The following RBFOX1 variants were observed in gnomAD, a reference collection of about 807,000 sequenced individuals.
RBFOX1 encodes RNA binding protein fox-1 homolog 1.
A neutral mutation model predicts 57.7 loss-of-function variants in RBFOX1; 8 were observed. The observed-to-expected ratio is 0.14, with a 90% CI of 0.08 to 0.25. The LOEUF is 0.25. Ranked by LOEUF, RBFOX1 falls within the 10% of genes least tolerant of loss-of-function variation. RBFOX1 has a pLI of 1.00. For missense variants in RBFOX1, 611 were observed against 548.5 expected (o/e 1.11, Z -1.14); for synonymous variants, 326 against 222.4 (o/e 1.47, Z -4.15).
rs938526067 is a variant in RBFOX1 at position 5,255,802 on chromosome 16, G to C, written c.219+15697G>C. 5.3e-5 allele frequency among the ~76,000 whole-genome samples: 8 copies of C among 152,098 alleles called. No homozygotes were observed. The East Asian group carries it at 1.4e-3, about 26-fold the overall frequency. ...CCTGCTAGATTCTGGGGAGGTATCT[G>C]CTCTAGTAATTGAGAACACGGTCTC... On this transcript the variant is annotated intron_variant, in intron 1 of 2. Coordinates refer to the RBFOX1 transcript ENST00000585867.
intron 1 of RBFOX1, among the ~76,000 whole-genome samples, chr16:6,140,262 G>T (rs553217894): frequency 2.0e-5 from 3 of 151,236 alleles, no homozygotes; most frequent in Non-Finnish European, 4.4e-5. Flanking sequence ...CTCAATCTTG[G>T]CTCACTGCAG....
intron 11 of RBFOX1, among the ~76,000 whole-genome samples, chr16:7,637,037 T>C (rs1463354400): frequency 4.6e-5 from 7 of 152,194 alleles, no homozygotes; most frequent in Admixed American, 3.3e-4. Flanking sequence ...ATTTAGTCCG[T>C]AGCAAGCCCC....
intron 3 of RBFOX1, among the ~76,000 whole-genome samples, chr16:7,051,035 G>C (rs2049892643): frequency 1.3e-5 from 2 of 151,764 alleles, no homozygotes; most frequent in South Asian, 2.1e-4. Flanking sequence ...ATCAAAAGTT[G>C]GTTCCTAAAC....
chr16:7,298,644 C>T (rs190584995), intron 4 of RBFOX1, among the ~76,000 whole-genome samples: 2 of 152,126 alleles, frequency 1.3e-5, no homozygotes, highest in African/African-American at 2.4e-5. Context: ...AGCCCACTAT[C>T]GACTCAAAGC....
chr16:7,312,486 A>T (rs147243351), intron 4 of RBFOX1, among the ~76,000 whole-genome samples: 1 of 152,330 alleles, frequency 6.6e-6, no homozygotes, highest in African/African-American at 2.4e-5. Context: ...ATTTCTCTCA[A>T]ATTAACATGA....
chr16:7,095,884 G>A (rs961023631), intron 4 of RBFOX1, among the ~76,000 whole-genome samples: 16 of 151,702 alleles, frequency 1.1e-4, no homozygotes, highest in African/African-American at 3.9e-4. Flanking sequence ...GTGGTGGCGG[G>A]TGTCTGTAAT....
intron 4 of RBFOX1, among the ~76,000 whole-genome samples, chr16:7,175,473 T>G (rs1008955477): frequency 6.6e-6 from 1 of 152,182 alleles, no homozygotes; most frequent in Admixed American, 6.5e-5. Context: ...CAGAAATGTG[T>G]GACAGGGAGC....
chr16:7,490,447 T>C (rs1450942781), intron 4 of RBFOX1, among the ~76,000 whole-genome samples: 1 of 152,218 alleles, frequency 6.6e-6, no homozygotes, highest in Non-Finnish European at 1.5e-5. Context: ...CTGTTTATAG[T>C]TCAAAATTTT....
chr16:6,799,760 C>T (rs74007062), intron 3 of RBFOX1, among the ~76,000 whole-genome samples: 2 of 152,132 alleles, frequency 1.3e-5, no homozygotes, highest in East Asian at 1.9e-4. Flanking sequence ...CCTCCAGGTT[C>T]TTTAGCCTTT....
intron 1 of RBFOX1, among the ~76,000 whole-genome samples, chr16:5,241,516 T>C (rs1037624051): frequency 2.0e-5 from 3 of 151,942 alleles, no homozygotes; most frequent in African/African-American, 4.8e-5. Flanking sequence ...GGAACGTGAG[T>C]GTGGAGCCAG....
At chr16:7,517,141 G>A (rs1363501891) in intron 4 of RBFOX1, among the ~76,000 whole-genome samples, 3 of 5,052 alleles carry the variant, frequency 5.9e-4, no homozygotes, top group East Asian at 4.5e-3. Context: ...CTTATGCCGT[G>A]TGTGTGTGTG....
intron 1 of RBFOX1, among the ~76,000 whole-genome samples, chr16:6,101,116 A>G (rs1045339450): frequency 1.9e-4 from 29 of 152,194 alleles, no homozygotes; most frequent in Admixed American, 1.8e-3. Context: ...CTTCCTCTGT[A>G]AAATGGGTAT....
At chr16:6,630,756 T>C (rs1348735310) in intron 2 of RBFOX1, among the ~76,000 whole-genome samples, 2 of 152,084 alleles carry the variant, frequency 1.3e-5, no homozygotes, top group Non-Finnish European at 2.9e-5. Flanking sequence ...GAAAATACCA[T>C]GAGAAGGAGG....
intron 1 of RBFOX1, among the ~76,000 whole-genome samples, chr16:5,429,580 C>G (rs1183600847): frequency 6.6e-6 from 1 of 152,144 alleles, no homozygotes; most frequent in Non-Finnish European, 1.5e-5. Flanking sequence ...CAAGCTGGCT[C>G]GCAGGTGGAA....
At chr16:5,672,452 A>C (rs2050040675) in intron 3 of RBFOX1, among the ~76,000 whole-genome samples, 1 of 152,036 alleles carries the variant, frequency 6.6e-6, no homozygotes. Context: ...GCTATGCTGA[A>C]CCTTTGAAGG....
intron 2 of RBFOX1, among the ~76,000 whole-genome samples, chr16:6,452,396 C>A (rs1199322194): frequency 6.6e-6 from 1 of 151,010 alleles, no homozygotes; most frequent in Non-Finnish European, 1.5e-5. Context: ...TCTTTTCCTT[C>A]CATAACTCTC....
At chr16:7,706,767 C>G (rs2082586618) in intron 14 of RBFOX1, among the ~76,000 whole-genome samples, 1 of 152,110 alleles carries the variant, frequency 6.6e-6, no homozygotes, top group South Asian at 2.1e-4. Flanking sequence ...CTGGACCAAT[C>G]AATCACAGAC....
intron 3 of RBFOX1, among the ~76,000 whole-genome samples, chr16:6,989,069 G>T (rs886279447): frequency 6.6e-6 from 1 of 151,934 alleles, no homozygotes; most frequent in Admixed American, 6.6e-5. Flanking sequence ...GGCTTTTTTG[G>T]TATTTTTAGT....
chr16:5,890,915 A>T (rs1042700697), intron 4 of RBFOX1, among the ~76,000 whole-genome samples: 2 of 152,160 alleles, frequency 1.3e-5, no homozygotes, highest in Middle Eastern at 3.4e-3. Context: ...ATTTTCTCTC[A>T]TTGGATACAT....
Sources: gnomAD v4.1 joint callset for allele counts (sites outside exome capture counted in the v4.1 genomes callset) on GRCh38, gnomAD v4.1.1 for gene constraint, MANE v1.5 for transcripts, NCBI Gene and HGNC (gene_info 2026-07-23, HGNC 2026-07-21) for gene names.